Variants in APLF observed in about 807,000 individuals in gnomAD.
APLF encodes the protein aprataxin and PNKP like factor.
In APLF, 61 loss-of-function variants were observed where a neutral mutation model predicts 55.6. That is an observed-to-expected ratio of 1.10 (90% confidence interval 0.89 to 1.36). The LOEUF is 1.36. APLF is among the 40% of genes most tolerant of loss of function. APLF has a pLI of 0.00. For missense variants in APLF, 611 were observed against 602.5 expected (o/e 1.01, Z -0.15); for synonymous variants, 207 against 214.8 (o/e 0.96, Z 0.32).
chr2:68,563,190 C>T (rs1026290150), intron 8 of APLF: 7 of 985,080 alleles, frequency 7.1e-6, no homozygotes, highest in African/African-American at 3.5e-5. Context: ...GAAAAGAGCA[C>T]GTTCTAGGAA....
chr2:68,542,147 A>G (rs757808005), intron 7 of APLF, among the ~76,000 whole-genome samples: 21 of 152,220 alleles, frequency 1.4e-4, no homozygotes, highest in Admixed American at 2.6e-4. Flanking sequence ...ATAACTTAAA[A>G]TGGATCAAAT....
chr2:68,563,397 C>T (rs373889764), intron 8 of APLF: 1 of 973,062 alleles, frequency 1.0e-6, no homozygotes, highest in Non-Finnish European at 1.2e-6. Context: ...TTGCCTTTTC[C>T]TAAGTAGGAT....
intron 2 of APLF, among the ~76,000 whole-genome samples, chr2:68,491,475 G>A (rs1039026114): frequency 6.6e-6 from 1 of 152,148 alleles, no homozygotes; most frequent in African/African-American, 2.4e-5. Flanking sequence ...CTAGGAGTGG[G>A]AACATGGTAG....
rs560424057 is a variant in APLF, at chr2:68,579,298, T to G, written c.*1276T>G. On this transcript the variant is annotated 3_prime_UTR_variant, in exon 10 of 10. Coordinates refer to ENST00000303795, the MANE Select transcript of APLF (RefSeq NM_173545.3). ...ATAACCTATTATTCTGATTTTTATC[T>G]CTTATTGTTATTTGGGAACTATTTT... 1.1e-6 allele frequency: 1 copy of G among 877,866 alleles called. No individual in the cohort carries two copies. The highest frequency in any genetic ancestry group is 1.2e-4 in the East Asian group (1 of 8,298). The allele number at this position is 877,866 out of a possible 1,614,324, so 54.4% of individuals were successfully genotyped here.
Position 68,578,054 on chromosome 2 carries a change from A to G in APLF, c.*32A>G. ...ACTTCTGTAGTCATATCTGCCTTACATTTACTTTTTCTTTGTGGGAAAACA... is the reference window on the plus strand; with the variant it reads ...ACTTCTGTAGTCATATCTGCCTTACGTTTACTTTTTCTTTGTGGGAAAACA... On this transcript the variant is annotated 3_prime_UTR_variant, in exon 10 of 10. Coordinates refer to ENST00000303795, the MANE Select transcript of APLF (RefSeq NM_173545.3). 6.3e-7 allele frequency: 1 copy of G among 1,590,752 alleles called. No individual in the cohort carries two copies. The highest frequency in any genetic ancestry group is 8.6e-7 in the Non-Finnish European group (1 of 1,169,536).
chr2:68,503,322 G>A (rs997394174), intron 3 of APLF, among the ~76,000 whole-genome samples: 5 of 151,958 alleles, frequency 3.3e-5, no homozygotes. Flanking sequence ...TATAAAAATA[G>A]CAGAAAATAT....
At chr2:68,510,561 A>G (rs991322806) in intron 3 of APLF, among the ~76,000 whole-genome samples, 3 of 151,874 alleles carry the variant, frequency 2.0e-5, no homozygotes, top group Non-Finnish European at 4.4e-5. Flanking sequence ...CTGAACTATT[A>G]TACATTGTGG....
Position 68,526,969 on chromosome 2 carries a change from C to T in APLF, c.804+727C>T, listed in dbSNP as rs189927959. On this transcript the variant is annotated intron_variant, in intron 6 of 9. Coordinates refer to ENST00000303795, the MANE Select transcript of APLF (RefSeq NM_173545.3). ...GTCGAAAATGCAAACTTGGGGAAGG[C>T]AGAAAGATCACACACAAGGCTGTCA... 2.1e-3 allele frequency among the ~76,000 whole-genome samples: 327 copies of T among 152,262 alleles called. 1 individual carries two copies. The highest frequency in any genetic ancestry group is 7.4e-3 in the African/African-American group (306 of 41,540).
At chr2:68,478,327 A>C (rs1317660054) in intron 1 of APLF, among the ~76,000 whole-genome samples, 1 of 152,228 alleles carries the variant, frequency 6.6e-6, no homozygotes, top group Non-Finnish European at 1.5e-5. Flanking sequence ...CTTTCACTGC[A>C]GCTATGCCAG....
intron 1 of APLF, among the ~76,000 whole-genome samples, chr2:68,474,600 T>C (rs553375137): frequency 3.3e-5 from 5 of 152,370 alleles, no homozygotes; most frequent in African/African-American, 1.2e-4. Context: ...ATATGCTATC[T>C]TCTCACATGT....
chr2:68,533,707 T>A (rs1212533896), intron 6 of APLF, among the ~76,000 whole-genome samples: 1 of 152,164 alleles, frequency 6.6e-6, no homozygotes, highest in Admixed American at 6.5e-5. Context: ...CCTCCCTCCC[T>A]GTACCATGAA....
chr2:68,490,635 T>C (rs1676329144), intron 2 of APLF, among the ~76,000 whole-genome samples: 2 of 152,342 alleles, frequency 1.3e-5, no homozygotes, highest in South Asian at 4.1e-4. Context: ...TTTTAACATA[T>C]TCTCTATCAC....
At position 68,560,458 on chromosome 2, in the gene APLF, T is replaced by G. The variant is rs79117025; in HGVS notation, c.1287-6883T>G. Among the ~76,000 whole-genome samples the G allele has an allele frequency of 8.0e-3, 1,222 of 152,256 alleles. 16 individuals are homozygous for G. Among genetic ancestry groups the G allele is most frequent in the African/African-American group, 0.028 (1,163 of 41,570 alleles). ...AAATTTTCCATTGGTTTATTATAAT[T>G]ACAAAGATTTATAACTTTGTCATAA... is the stretch of plus-strand genomic sequence containing the variant. On this transcript the variant is annotated intron_variant, in intron 8 of 9. Coordinates refer to ENST00000303795, the MANE Select transcript of APLF (RefSeq NM_173545.3).
chr2:68,503,879 A>G (rs543019790), intron 3 of APLF, among the ~76,000 whole-genome samples: 2 of 152,048 alleles, frequency 1.3e-5, no homozygotes, highest in African/African-American at 2.4e-5. Flanking sequence ...AAAATGGCCA[A>G]AATAAAATCA....
chr2:68,475,685 A>T (rs1250089754), intron 1 of APLF, among the ~76,000 whole-genome samples: 2 of 152,188 alleles, frequency 1.3e-5, no homozygotes, highest in Non-Finnish European at 2.9e-5. Flanking sequence ...ATAATGTCAA[A>T]CATCTTATAT....
At position 68,476,898 on chromosome 2, in the gene APLF, A is replaced by G. The variant is rs966072713; in HGVS notation, c.96+9071A>G. Among the ~76,000 whole-genome samples the G allele has an allele frequency of 3.9e-5, 6 of 152,208 alleles. 1 individual carries two copies. Among genetic ancestry groups the G allele is most frequent in the Non-Finnish European group, 5.9e-5 (4 of 68,036 alleles). The stretch of plus-strand genomic sequence containing the variant: ...TTTTGAACGGCATAGGTCCACTTCT[A>G]TGCAGATTCAACAAGTATATTGGAA... On this transcript the variant is annotated intron_variant, in intron 1 of 9. Transcript: ENST00000303795.
chr2:68,468,159 T>C (rs72900050), intron 1 of APLF, among the ~76,000 whole-genome samples: 23,747 of 152,120 alleles, frequency 0.16, 4,144 homozygotes, highest in African/African-American at 0.44. Flanking sequence ...AAACAAAAAA[T>C]CTACTAATTT....
intron 3 of APLF, among the ~76,000 whole-genome samples, chr2:68,511,465 TG>T (rs1677048446): frequency 6.6e-6 from 1 of 151,842 alleles, no homozygotes; most frequent in African/African-American, 2.4e-5. Context: ...TTACGTTTAT[TG>T]TGGGTAACTA....
rs1180018274 is a variant in APLF, at chr2:68,578,790, T to C, written c.*768T>C. The stretch of plus-strand genomic sequence containing the variant: ...TTATATTAAGAATAGAGAAACGACA[T>C]AACTTTCTCAAATGGCATTAGTTTT... On this transcript the variant is annotated 3_prime_UTR_variant, in exon 10 of 10. Transcript: ENST00000303795. The C allele has an allele frequency of 1.0e-6, 1 of 985,214 alleles. No individual in the cohort carries two copies. Among genetic ancestry groups the C allele is most frequent in the Admixed American group, 6.2e-5 (1 of 16,236 alleles). The allele number at this position is 985,214 out of a possible 1,614,324, so 61.0% of individuals were successfully genotyped here.
Sources: allele counts gnomAD v4.1 joint callset (sites outside exome capture counted in the v4.1 genomes callset), GRCh38; gene constraint gnomAD v4.1.1; transcripts MANE v1.5; gene names NCBI Gene and HGNC (gene_info 2026-07-23, HGNC 2026-07-21).